Variants in MYO16 observed in about 807,000 individuals in gnomAD.
MYO16 encodes myosin XVI.
Under a neutral mutation model 205.3 loss-of-function variants are expected in MYO16, and 94 were observed. The ratio of observed to expected loss-of-function variants is 0.46; its 90% confidence interval spans 0.39 to 0.54. The LOEUF (loss-of-function observed/expected upper bound fraction) is 0.54, where lower values mean the gene tolerates loss of function less well. Ranked by LOEUF, MYO16 falls within the 20% of genes least tolerant of loss-of-function variation. MYO16 has a pLI of 0.00. For synonymous variants in MYO16, 988 were observed against 954.0 expected (o/e 1.04, Z -0.66); for missense variants, 2,315 against 2,387.5 (o/e 0.97, Z 0.63).
Position 108,624,334 on chromosome 13 carries a change from C to T in MYO16, c.-39+28095C>T, listed in dbSNP as rs377051010. 3.9e-3 allele frequency among the ~76,000 whole-genome samples: 592 copies of T among 152,174 alleles called. 16 individuals carry two copies. The South Asian group carries it at 0.073, about 19-fold the overall frequency. On this transcript the variant is annotated intron_variant, in intron 1 of 24. Coordinates refer to the MYO16 transcript ENST00000251041. ...CATCAATAAATTTTTTTTTATCTGC[C>T]TATTCCTGGTAACTGGTTGCAGTAT...
the MYO16 span, among the ~76,000 whole-genome samples, chr13:108,586,172 T>TA: frequency 1.3e-5 from 2 of 151,782 alleles, no homozygotes; most frequent in Non-Finnish European, 1.5e-5. Flanking sequence ...GTATCCCAGA[T>TA]AAAAAAAGAA....
chr13:108,761,351 T>C (rs868425298), intron 4 of MYO16, among the ~76,000 whole-genome samples: 1 of 151,730 alleles, frequency 6.6e-6, no homozygotes, highest in Non-Finnish European at 1.5e-5. Context: ...GATTTGATCA[T>C]GGACACTAAA....
chr13:109,159,276 AAAG>A (rs1188850352), intron 32 of MYO16, among the ~76,000 whole-genome samples: 1 of 152,214 alleles, frequency 6.6e-6, no homozygotes, highest in Non-Finnish European at 1.5e-5. Context: ...ATCAGCACTC[AAAG>A]GTGGATTAAC....
chr13:109,091,695 T>A (rs1488797815), intron 27 of MYO16, among the ~76,000 whole-genome samples: 1 of 152,174 alleles, frequency 6.6e-6, no homozygotes, highest in African/African-American at 2.4e-5. Flanking sequence ...CCTCCTTTCC[T>A]CTCCCCTTCA....
intron 23 of MYO16, among the ~76,000 whole-genome samples, chr13:109,027,614 C>G (rs1886407445): frequency 6.6e-6 from 1 of 151,818 alleles, no homozygotes; most frequent in African/African-American, 2.4e-5. Context: ...TACTCTGTGC[C>G]TTTGAGGAGG....
chr13:109,152,707 C>G (rs1227178112), intron 32 of MYO16, among the ~76,000 whole-genome samples: 3 of 152,178 alleles, frequency 2.0e-5, no homozygotes, highest in African/African-American at 7.2e-5. Flanking sequence ...AACAAACGTT[C>G]CTTTTATCAG....
At chr13:108,662,283 T>G (rs1418633551) in intron 1 of MYO16, among the ~76,000 whole-genome samples, 1 of 152,208 alleles carries the variant, frequency 6.6e-6, no homozygotes, top group East Asian at 1.9e-4. Context: ...GGTGGCATTT[T>G]CCAGAAAGCA....
chr13:108,754,211 A>AGACAAGCTGTAGCATGCAG (rs1472858167), intron 4 of MYO16, among the ~76,000 whole-genome samples: 19 of 142,410 alleles, frequency 1.3e-4, no homozygotes, highest in Non-Finnish European at 2.7e-4. Flanking sequence ...GTAGCATGCA[A>AGACAAGCTGTAGCATGCAG]GACAAGCTGT....
intron 34 of MYO16, among the ~76,000 whole-genome samples, chr13:109,205,283 TCTC>T (rs1880552531): frequency 6.6e-6 from 1 of 152,112 alleles, no homozygotes; most frequent in Admixed American, 6.5e-5. Flanking sequence ...GTAAACATCA[TCTC>T]CTTGATCCCA....
intron 9 of MYO16, among the ~76,000 whole-genome samples, chr13:108,836,522 G>T (rs1328207377): frequency 6.6e-6 from 1 of 152,122 alleles, no homozygotes; most frequent in Non-Finnish European, 1.5e-5. Flanking sequence ...CCCCAGAATG[G>T]TAGAACCACT....
At chr13:108,643,749 C>T (rs542747436) in intron 1 of MYO16, among the ~76,000 whole-genome samples, 17 of 152,116 alleles carry the variant, frequency 1.1e-4, no homozygotes, top group Non-Finnish European at 2.2e-4. Flanking sequence ...ATGAGTAGAG[C>T]CTTTATAAAT....
chr13:108,563,481 C>G, the MYO16 span, among the ~76,000 whole-genome samples: 1 of 152,140 alleles, frequency 6.6e-6, no homozygotes, highest in South Asian at 2.1e-4. Context: ...CCCCCCAACA[C>G]ACTCTCCCAC....
intron 4 of MYO16, among the ~76,000 whole-genome samples, chr13:108,754,302 T>C (rs147010833): frequency 0.016 from 2,470 of 152,260 alleles, 33 homozygotes; most frequent in Non-Finnish European, 0.027. Flanking sequence ...AGCTGTAGCA[T>C]GCAGGACAAG....
chr13:108,890,102 G>A (rs993228328), intron 14 of MYO16, among the ~76,000 whole-genome samples: 1 of 65,708 alleles, frequency 1.5e-5, no homozygotes, highest in Non-Finnish European at 3.0e-5. Flanking sequence ...GCTAATTTTT[G>A]TATTTTTTTT....
At chr13:108,606,994 G>T (rs953133806) in intron 1 of MYO16, among the ~76,000 whole-genome samples, 7 of 152,346 alleles carry the variant, frequency 4.6e-5, no homozygotes, top group Admixed American at 4.6e-4. Context: ...TGATTACCCT[G>T]TTGGACTTTG....
chr13:108,625,489 A>G (rs1252358362), upstream of MYO16, among the ~76,000 whole-genome samples: 1 of 152,124 alleles, frequency 6.6e-6, no homozygotes, highest in Non-Finnish European at 1.5e-5. Flanking sequence ...GCCTCAAAGG[A>G]CCCTAAGTTA....
intron 34 of MYO16, among the ~76,000 whole-genome samples, chr13:109,186,334 A>C (rs186151373): frequency 2.6e-5 from 4 of 152,312 alleles, no homozygotes; most frequent in South Asian, 4.1e-4. Flanking sequence ...GGCAGGTGTC[A>C]CACGACCTGC....
intron 5 of MYO16, among the ~76,000 whole-genome samples, chr13:108,791,789 T>A (rs1033449452): frequency 2.6e-5 from 4 of 152,220 alleles, no homozygotes; most frequent in African/African-American, 9.7e-5. Flanking sequence ...TCTGAGGGAC[T>A]AAGCACATTG....
chr13:108,849,452 A>G (rs942030141), intron 10 of MYO16, among the ~76,000 whole-genome samples: 8 of 151,600 alleles, frequency 5.3e-5, no homozygotes, highest in African/African-American at 1.9e-4. Flanking sequence ...CTGCCTCCCA[A>G]AGTGCTGGGA....
Sources: allele counts gnomAD v4.1 joint callset (sites outside exome capture counted in the v4.1 genomes callset), GRCh38; gene constraint gnomAD v4.1.1; transcripts MANE v1.5; gene names NCBI Gene and HGNC (gene_info 2026-07-23, HGNC 2026-07-21).